GABBR2: variants seen among roughly 807,000 people sequenced by gnomAD.
GABBR2 encodes the protein G-protein coupled receptor 51.
A neutral mutation model predicts 105.6 loss-of-function variants in GABBR2; 23 were observed. The observed-to-expected ratio is 0.22, with a 90% CI of 0.16 to 0.31. The LOEUF (loss-of-function observed/expected upper bound fraction) is 0.31. Ranked by LOEUF, GABBR2 falls within the 10% of genes least tolerant of loss-of-function variation. GABBR2 has a pLI of 1.00. For synonymous variants in GABBR2, 478 were observed against 499.7 expected, an observed-to-expected ratio of 0.96 and a Z score of 0.58; for missense variants, 734 against 1,245.5, an observed-to-expected ratio of 0.59 and a Z score of 6.18.
chr9:98,601,047 C>T (rs914662), intron 1 of GABBR2, among the ~76,000 whole-genome samples: 41,239 of 152,146 alleles, frequency 0.27, 6,112 homozygotes, highest in Non-Finnish European at 0.34. Context: ...CTCCCTGATC[C>T]CAGTAAACAG....
chr9:98,370,625 A>C (rs540433740), intron 12 of GABBR2, among the ~76,000 whole-genome samples: 4 of 152,328 alleles, frequency 2.6e-5, no homozygotes, highest in African/African-American at 9.6e-5. Flanking sequence ...AGTTGTGCCA[A>C]TCAATGCTGT....
chr9:98,307,036 A>G (rs183291155), intron 14 of GABBR2, among the ~76,000 whole-genome samples: 15 of 152,306 alleles, frequency 9.8e-5, no homozygotes, highest in East Asian at 1.9e-4. Context: ...TCCGTCTTAG[A>G]TCACAAGGCT....
intron 7 of GABBR2, among the ~76,000 whole-genome samples, chr9:98,414,633 C>A (rs763769692): frequency 2.0e-5 from 3 of 152,172 alleles, no homozygotes; most frequent in Non-Finnish European, 2.9e-5. Flanking sequence ...TTGTGCCAGT[C>A]GCTGGCTAGC....
chr9:98,614,568 A>G (rs954458920), intron 1 of GABBR2, among the ~76,000 whole-genome samples: 1 of 152,180 alleles, frequency 6.6e-6, no homozygotes, highest in African/African-American at 2.4e-5. Flanking sequence ...AGACAAATTA[A>G]AATGAGTAAA....
intron 15 of GABBR2, among the ~76,000 whole-genome samples, chr9:98,303,817 G>C (rs1490273766): frequency 1.3e-5 from 2 of 152,242 alleles, no homozygotes; most frequent in Non-Finnish European, 2.9e-5. Flanking sequence ...GGAGAGCGAA[G>C]GCCTCTGTTA....
chr9:98,308,328 C>T (rs753943608), intron 14 of GABBR2, among the ~76,000 whole-genome samples: 3 of 152,028 alleles, frequency 2.0e-5, no homozygotes, highest in Non-Finnish European at 4.4e-5. Flanking sequence ...TGTTCTTAGG[C>T]CCTCAAAAAG....
intron 13 of GABBR2, among the ~76,000 whole-genome samples, chr9:98,336,169 C>T (rs7045598): frequency 0.44 from 67,271 of 151,880 alleles, 15,027 homozygotes; most frequent in African/African-American, 0.48. Context: ...GGAGGAAGAG[C>T]GTTCCAGGCA....
chr9:98,348,763 C>G (rs1427658619), intron 13 of GABBR2, among the ~76,000 whole-genome samples: 1 of 152,112 alleles, frequency 6.6e-6, no homozygotes, highest in Non-Finnish European at 1.5e-5. Flanking sequence ...ACTTTTACAT[C>G]TTGATTTTCT....
intron 1 of GABBR2, among the ~76,000 whole-genome samples, chr9:98,628,878 G>A (rs980559501): frequency 1.1e-4 from 16 of 152,142 alleles, no homozygotes; most frequent in Admixed American, 2.0e-4. Flanking sequence ...ATGCACGCGC[G>A]TGCACCTACC....
At chr9:98,484,419 T>A (rs1188695192) in intron 4 of GABBR2, among the ~76,000 whole-genome samples, 2 of 149,398 alleles carry the variant, frequency 1.3e-5, no homozygotes, top group Non-Finnish European at 2.9e-5. Flanking sequence ...TGGAGACAGA[T>A]CCTATGCAGA....
chr9:98,689,150 TTATC>T (rs1830655100), intron 1 of GABBR2, among the ~76,000 whole-genome samples: 1 of 152,128 alleles, frequency 6.6e-6, no homozygotes, highest in Non-Finnish European at 1.5e-5. Context: ...AATGATCAGA[TTATC>T]TATGGGAAGG....
At chr9:98,447,633 G>A (rs1014357841) in intron 7 of GABBR2, among the ~76,000 whole-genome samples, 6 of 151,932 alleles carry the variant, frequency 3.9e-5, no homozygotes, top group Admixed American at 2.0e-4. Context: ...ACAGTAGGGC[G>A]AGGCAACAGT....
rs184750056 is a variant in GABBR2 at position 98,415,131 on chromosome 9, C to T, written c.1237-8990G>A. On this transcript the variant is annotated intron_variant, in intron 7 of 18. Transcript: ENST00000259455. Reference sequence around the variant, plus strand: ...TGTATATACAGTATACTCGCAATTACGTAAAAATTACCCCCACAAAGTAAA... The same window carrying T: ...TGTATATACAGTATACTCGCAATTATGTAAAAATTACCCCCACAAAGTAAA... Among the ~76,000 whole-genome samples the T allele has an allele frequency of 2.7e-4, 41 of 152,226 alleles. No homozygotes were observed. In the Middle Eastern group the frequency reaches 0.014, roughly 51 times the overall value.
At chr9:98,474,751 G>C (rs1826752396) in intron 5 of GABBR2, among the ~76,000 whole-genome samples, 1 of 152,150 alleles carries the variant, frequency 6.6e-6, no homozygotes, top group Non-Finnish European at 1.5e-5. Context: ...TAGGCTCCAG[G>C]AGGCTAAAGT....
chr9:98,406,803 C>T (rs1832498562), intron 7 of GABBR2, among the ~76,000 whole-genome samples: 2 of 152,164 alleles, frequency 1.3e-5, no homozygotes, highest in Admixed American at 1.3e-4. Flanking sequence ...TGCATCTGCC[C>T]TGCTGGCTTC....
chr9:98,456,670 C>T (rs935345923), intron 6 of GABBR2, among the ~76,000 whole-genome samples: 2 of 152,204 alleles, frequency 1.3e-5, no homozygotes, highest in African/African-American at 2.4e-5. Flanking sequence ...CAAAATCGTT[C>T]TTCCCAAATA....
chr9:98,467,131 G>A (rs1348463163), intron 6 of GABBR2, among the ~76,000 whole-genome samples: 1 of 152,176 alleles, frequency 6.6e-6, no homozygotes, highest in African/African-American at 2.4e-5. Context: ...ATCTAGCATG[G>A]AAGGCTGGGA....
At chr9:98,391,852 T>A (rs1329074543) in intron 9 of GABBR2, among the ~76,000 whole-genome samples, 1 of 152,080 alleles carries the variant, frequency 6.6e-6, no homozygotes, top group Non-Finnish European at 1.5e-5. Context: ...AGAGGTGGCA[T>A]CTTAAGCCTG....
chr9:98,706,114 A>ACC (rs1830890165), intron 1 of GABBR2, among the ~76,000 whole-genome samples: 3 of 17,206 alleles, frequency 1.7e-4, no homozygotes, highest in Non-Finnish European at 2.9e-4. Context: ...AAAAACAAAA[A>ACC]AAAAAAAAAA....
Sources: gnomAD v4.1 joint callset for allele counts (sites outside exome capture counted in the v4.1 genomes callset) on GRCh38, gnomAD v4.1.1 for gene constraint, MANE v1.5 for transcripts, NCBI Gene and HGNC (gene_info 2026-07-23, HGNC 2026-07-21) for gene names.